The following PMS1 variants were observed in gnomAD, a reference collection of about 807,000 sequenced individuals.
PMS1 encodes PMS1 protein homolog 1.
PMS1 carries 79 observed loss-of-function variants against 93.1 expected under a neutral mutation model. That is an observed-to-expected ratio of 0.85 (90% CI 0.71 to 1.02). PMS1 has a LOEUF of 1.02. Ranked by LOEUF, PMS1 falls within the 50% of genes least tolerant of loss-of-function variation. The pLI, the probability that PMS1 is intolerant of heterozygous loss-of-function variation, is 0.00. For missense variants in PMS1, 1,064 were observed against 1,085.3 expected (o/e 0.98, Z 0.28); for synonymous variants, 335 against 363.4 (o/e 0.92, Z 0.89).
chr2:189,866,365 T>A (rs2056657529), intron 10 of PMS1, among the ~76,000 whole-genome samples: 1 of 152,086 alleles, frequency 6.6e-6, no homozygotes, highest in African/African-American at 2.4e-5. Flanking sequence ...GAAAAAAAAA[T>A]CTTTCTTAAT....
intron 7 of PMS1, among the ~76,000 whole-genome samples, chr2:189,853,044 T>TTTTTTG (rs1398579315): frequency 6.6e-6 from 1 of 152,062 alleles, no homozygotes; most frequent in Non-Finnish European, 1.5e-5. Flanking sequence ...GTTAGTAGTT[T>TTTTTTG]TTTTTGTTTT....
intron 9 of PMS1, among the ~76,000 whole-genome samples, chr2:189,862,621 C>CTT (rs1394310502): frequency 6.6e-6 from 1 of 152,150 alleles, no homozygotes; most frequent in Non-Finnish European, 1.5e-5. Context: ...GATTTTTGTT[C>CTT]TACCAGGTAT....
At chr2:189,871,607 G>A (rs1461754247) in intron 11 of PMS1, among the ~76,000 whole-genome samples, 1 of 152,198 alleles carries the variant, frequency 6.6e-6, no homozygotes, top group African/African-American at 2.4e-5. Flanking sequence ...TTTCTAAGAA[G>A]TTCTAAACTT....
chr2:189,826,853 T>A (rs1429221965), intron 5 of PMS1, among the ~76,000 whole-genome samples: 1 of 152,190 alleles, frequency 6.6e-6, no homozygotes, highest in African/African-American at 2.4e-5. Context: ...AATTAGGTAG[T>A]GTTAAAGCCA....
intron 5 of PMS1, among the ~76,000 whole-genome samples, chr2:189,825,604 G>A (rs539821381): frequency 2.0e-5 from 3 of 152,298 alleles, no homozygotes; most frequent in African/African-American, 4.8e-5. Context: ...TGATTTGTGT[G>A]TGTACTTGCT....
intron 12 of PMS1, 72 bp from the exon 13 acceptor site, chr2:189,877,200 T>C (rs2057650314): frequency 8.2e-7 from 1 of 1,223,030 alleles, no homozygotes; most frequent in African/African-American, 1.5e-5. Flanking sequence ...TCTGTCTTCC[T>C]TTTTGCCAGG....
chr2:189,812,146 C>T (rs970523297), intron 4 of PMS1, among the ~76,000 whole-genome samples: 3 of 151,982 alleles, frequency 2.0e-5, no homozygotes, highest in African/African-American at 2.4e-5. Context: ...ACTAAAAATA[C>T]GAAAATTATC....
rs765108077 is a variant in PMS1, at chr2:189,805,764, T to C, written c.418+10T>C. The C allele has an allele frequency of 4.3e-6, 7 of 1,613,568 alleles. No individual in the cohort carries two copies. Among genetic ancestry groups the C allele is most frequent in the Non-Finnish European group, 5.9e-6 (7 of 1,179,836 alleles). ...TCACATCTTGGTCAAGGTAAGAAAG[T>C]AGCTTTGTATACAAACATTCTTTAC... On this transcript the variant is annotated intron_variant, in intron 4 of 12. Transcript: ENST00000441310.
At chr2:189,785,232 G>A (rs5742938) in intron 1 of PMS1, 89,640 of 152,088 alleles carry the variant, frequency 0.59, 29,931 homozygotes, top group Non-Finnish European at 0.74. Flanking sequence ...TTGCATTTCT[G>A]TTGGCTTTGT....
chr2:189,835,522 C>T (rs767337981), intron 5 of PMS1, among the ~76,000 whole-genome samples: 6 of 152,142 alleles, frequency 3.9e-5, no homozygotes, highest in Non-Finnish European at 8.8e-5. Flanking sequence ...GTTTGTGCCT[C>T]TGTACTTTTT....
chr2:189,847,114 C>A (rs768493674), intron 6 of PMS1, among the ~76,000 whole-genome samples: 25 of 152,054 alleles, frequency 1.6e-4, no homozygotes, highest in African/African-American at 5.6e-4. Flanking sequence ...CCCGCCTCGG[C>A]CCCCCAAAGC....
In PMS1 at chr2:189,805,718, C is replaced by T. The variant is rs576726933; in HGVS notation, c.382C>T (p.His128Tyr). Residue 128 changes from histidine to tyrosine, a missense_variant, in exon 4 of 13, where the codon CAC (histidine) becomes TAC (tyrosine). His to Tyr is a moderately conservative substitution (Grantham distance 83). Coordinates refer to ENST00000441310, the MANE Select transcript of PMS1 (RefSeq NM_000534.5). ...CCAGTATGTTTTAGATGGCAGTGGC[C>T]ACATACTTTCTCAGAAACCTTCACA... is the stretch of plus-strand genomic sequence containing the variant. ...STQYVLDGSG[H>Y]ILSQKPSHLG... The T allele has an allele frequency of 5.6e-6, 9 of 1,613,688 alleles. No individual in the cohort carries two copies. In the South Asian group the frequency reaches 6.6e-5, roughly 12 times the overall value.
rs539812862 is a variant in PMS1, at chr2:189,786,028, G to C, written c.-21+1435G>C. On this transcript the variant is annotated intron_variant, in intron 1 of 12. Transcript: ENST00000441310. ...TAATCCCAGCTACTTGCAGGGCTGG[G>C]ACAGGAGAATTGCTTGAACCTGGGA... Among the ~76,000 whole-genome samples the C allele has an allele frequency of 7.2e-5, 11 of 152,274 alleles. 1 individual carries two copies. In the South Asian group the frequency reaches 2.1e-3, roughly 29 times the overall value.
intron 9 of PMS1, among the ~76,000 whole-genome samples, chr2:189,856,909 T>C (rs1412197270): frequency 6.6e-6 from 1 of 152,060 alleles, no homozygotes; most frequent in Non-Finnish European, 1.5e-5. Context: ...CCATTTACCA[T>C]CAATTACCGG....
intron 9 of PMS1, among the ~76,000 whole-genome samples, chr2:189,861,987 T>C (rs1279613003): frequency 6.6e-6 from 1 of 151,594 alleles, no homozygotes; most frequent in East Asian, 1.9e-4. Context: ...TTATTCTCTT[T>C]GGAGGTTTGC....
At chr2:189,813,976 G>A (rs2051056088) in intron 4 of PMS1, among the ~76,000 whole-genome samples, 2 of 152,190 alleles carry the variant, frequency 1.3e-5, no homozygotes, top group Non-Finnish European at 2.9e-5. Context: ...AAAGAATGAA[G>A]TGAGGTCTCT....
intron 4 of PMS1, among the ~76,000 whole-genome samples, chr2:189,811,315 C>T (rs1184669369): frequency 1.3e-5 from 2 of 149,166 alleles, no homozygotes; most frequent in South Asian, 2.1e-4. Flanking sequence ...GGGCTGGGCA[C>T]GGTGGCTCAC....
At chr2:189,787,848 G>A (rs1019510047) in intron 1 of PMS1, among the ~76,000 whole-genome samples, 1 of 152,012 alleles carries the variant, frequency 6.6e-6, no homozygotes, top group Non-Finnish European at 1.5e-5. Flanking sequence ...TTATGAATTT[G>A]GTAGAGACAC....
intron 5 of PMS1, among the ~76,000 whole-genome samples, chr2:189,833,548 C>T (rs968396315): frequency 2.2e-4 from 33 of 152,264 alleles, no homozygotes; most frequent in Non-Finnish European, 3.7e-4. Flanking sequence ...CGCCATTGCA[C>T]TCCAGCCTGG....
Sources: gnomAD v4.1 joint callset for allele counts (sites outside exome capture counted in the v4.1 genomes callset) on GRCh38, gnomAD v4.1.1 for gene constraint, MANE v1.5 for transcripts, NCBI Gene and HGNC (gene_info 2026-07-23, HGNC 2026-07-21) for gene names.